The following GLB1 variants were observed in gnomAD, a reference collection of about 807,000 sequenced individuals.
The protein encoded by GLB1 is beta-galactosidase.
A neutral mutation model predicts 74.0 loss-of-function variants in GLB1; 56 were observed. The ratio of observed to expected loss-of-function variants is 0.76; its 90% CI spans 0.61 to 0.94. GLB1 has a LOEUF of 0.94. GLB1 is among the 40% of genes least tolerant of loss of function. The pLI, the probability that GLB1 is intolerant of heterozygous loss-of-function variation, is 0.00. For synonymous variants in GLB1, 323 were observed against 323.6 expected, an observed-to-expected ratio of 1.00 and a Z score of 0.02; for missense variants, 787 against 845.5, an observed-to-expected ratio of 0.93 and a Z score of 0.86.
At chr3:33,020,357 A>G (rs1176958091) in intron 12 of GLB1, among the ~76,000 whole-genome samples, 1 of 152,194 alleles carries the variant, frequency 6.6e-6, no homozygotes, top group Non-Finnish European at 1.5e-5. Flanking sequence ...GCCACAGAAA[A>G]TCAGAAAGGA....
Position 33,065,569 on chromosome 3 carries a change from G to GA in GLB1, c.458-13dup. Reference sequence around the variant, plus strand: ...AGCTGCCAGGTAATCTGGAAAACAAGAAAAGTTTAACACAAGCTTGTCCAA... The same window carrying GA: ...AGCTGCCAGGTAATCTGGAAAACAAGAAAAAGTTTAACACAAGCTTGTCCAA... On this transcript the variant is annotated splice_polypyrimidine_tract_variant and intron_variant, in intron 4 of 15. Coordinates refer to ENST00000307363, the MANE Select transcript of GLB1 (RefSeq NM_000404.4). 6.4e-7 allele frequency: 1 copy of GA among 1,562,212 alleles called. No individual in the cohort carries two copies.
intron 15 of GLB1, among the ~76,000 whole-genome samples, chr3:32,997,944 G>A (rs946151339): frequency 6.6e-6 from 1 of 152,220 alleles, no homozygotes; most frequent in Non-Finnish European, 1.5e-5. Flanking sequence ...AGAGGGATAG[G>A]GGGGTTTGGG....
chr3:33,050,807 GT>G (rs1698944957), intron 9 of GLB1, among the ~76,000 whole-genome samples: 3 of 152,164 alleles, frequency 2.0e-5, no homozygotes, highest in Admixed American at 1.3e-4. Context: ...AAAACAAAAC[GT>G]TAAAAGAAAG....
At chr3:33,011,514 G>A (rs1315005557) in intron 15 of GLB1, among the ~76,000 whole-genome samples, 1 of 150,268 alleles carries the variant, frequency 6.7e-6, no homozygotes, top group Non-Finnish European at 1.5e-5. Context: ...GAGTGGTGGT[G>A]TGTGCCTGTA....
chr3:33,047,668 A>G (rs993577302), intron 9 of GLB1, among the ~76,000 whole-genome samples: 4 of 152,242 alleles, frequency 2.6e-5, no homozygotes, highest in African/African-American at 9.6e-5. Flanking sequence ...AATTCCTTGG[A>G]TGCAGCTCAC....
At chr3:32,961,185 G>T in the GLB1 span, among the ~76,000 whole-genome samples, 1 of 152,178 alleles carries the variant, frequency 6.6e-6, no homozygotes, top group African/African-American at 2.4e-5. Flanking sequence ...CCTTTTCTGA[G>T]AAATTGTGAA....
chr3:33,073,376 C>T (rs1320548280), intron 1 of GLB1, among the ~76,000 whole-genome samples: 1 of 152,100 alleles, frequency 6.6e-6, no homozygotes, highest in Non-Finnish European at 1.5e-5. Flanking sequence ...TTTTTGGTGG[C>T]AATAAGCATC....
chr3:33,028,933 G>A lies in GLB1; in HGVS notation c.1069-4608C>T, dbSNP rs562951183. ...CCGCCCGCCTCGGCCTAAGTGCTGG[G>A]ATTACAGGCGTGAGCCACTGCGCCT... On this transcript the variant is annotated intron_variant, in intron 10 of 15. Transcript: ENST00000307363. Among the ~76,000 whole-genome samples the A allele has an allele frequency of 2.0e-5, 3 of 152,232 alleles. No homozygotes were observed. The East Asian group carries it at 5.8e-4, about 29-fold the overall frequency.
chr3:33,031,733 G>C (rs1456797942), intron 10 of GLB1, among the ~76,000 whole-genome samples: 1 of 139,228 alleles, frequency 7.2e-6, no homozygotes, highest in Non-Finnish European at 1.5e-5. Flanking sequence ...CAAAAAAAGA[G>C]GGAAAATATG....
At chr3:33,074,319 GAGAA>G (rs1204274850) in intron 1 of GLB1, among the ~76,000 whole-genome samples, 1 of 101,546 alleles carries the variant, frequency 9.8e-6, no homozygotes, top group African/African-American at 3.6e-5. Context: ...AAGAAAGAAC[GAGAA>G]AGAAGGAAGG....
intron 15 of GLB1, among the ~76,000 whole-genome samples, chr3:33,008,543 T>G (rs763678676): frequency 1.3e-5 from 2 of 150,824 alleles, no homozygotes; most frequent in Non-Finnish European, 3.0e-5. Context: ...GGGTGGAGAG[T>G]CAGGTGGCTT....
rs775179799 is a variant in GLB1, at chr3:33,024,283, T to G, written c.1111A>C (p.Lys371Gln). The stretch of plus-strand genomic sequence containing the variant: ...AAAGTGACCTTTCCATATGCAAACT[T>G]TGGTGTAGATGGAGGGATAGGACCT... The part of the protein sequence containing the change: ...PEGPIPPSTP[K>Q]FAYGKVTLEK... Residue 371 changes from lysine (K) to glutamine (Q), a missense_variant, in exon 11 of 16, where the codon AAG (lysine) becomes CAG (glutamine). Lys to Gln is a moderately conservative substitution (Grantham distance 53). Transcript: ENST00000307363. 6.2e-7 allele frequency: 1 copy of G among 1,613,382 alleles called. No individual in the cohort carries two copies. The highest frequency in any genetic ancestry group is 1.1e-5 in the South Asian group (1 of 91,004).
At chr3:33,092,246 A>G in intron 1 of GLB1, 2 of 985,758 alleles carry the variant, frequency 2.0e-6, no homozygotes, top group Non-Finnish European at 2.4e-6. Flanking sequence ...TTTGCATTCC[A>G]GTAGATTTTG....
intron 10 of GLB1, among the ~76,000 whole-genome samples, chr3:33,043,802 G>GATACC (rs1553609477): frequency 3.0e-5 from 4 of 134,856 alleles, no homozygotes; most frequent in East Asian, 2.2e-4. Context: ...CCAAGCAAAA[G>GATACC]TATGCAGGTA....
intron 10 of GLB1, among the ~76,000 whole-genome samples, chr3:33,028,692 T>A (rs954063253): frequency 6.7e-6 from 1 of 149,792 alleles, no homozygotes; most frequent in Non-Finnish European, 1.5e-5. Flanking sequence ...TGATACGGAG[T>A]TTCGCTCTTG....
chr3:33,052,356 G>A (rs1278666729), intron 7 of GLB1, among the ~76,000 whole-genome samples: 4 of 152,172 alleles, frequency 2.6e-5, no homozygotes, highest in Non-Finnish European at 4.4e-5. Flanking sequence ...GCTCCAGGCC[G>A]GGCGCAGTGG....
Position 33,022,564 on chromosome 3 carries a change from A to ATTTTTTTTTTTTTTTTTTTTTTTTTTTTT in GLB1, c.1144-910_1144-909insAAAAAAAAAAAAAAAAAAAAAAAAAAAAA, listed in dbSNP as rs61013692. Among the ~76,000 whole-genome samples, 14 of 63,766 alleles carry ATTTTTTTTTTTTTTTTTTTTTTTTTTTTT rather than the reference A, an allele frequency of 2.2e-4. 6 individuals are homozygous for ATTTTTTTTTTTTTTTTTTTTTTTTTTTTT. The highest frequency in any genetic ancestry group is 5.8e-4 in the East Asian group (1 of 1,720). 41.8% of individuals were successfully genotyped at this position (63,766 alleles called of 152,430 possible). On this transcript the variant is annotated intron_variant, in intron 11 of 15. Coordinates refer to ENST00000307363, the MANE Select transcript of GLB1 (RefSeq NM_000404.4). Reference sequence around the variant, plus strand: ...TTCCATGACTATAATACTGGTTAGGATTTTTTTTTTTTTTTTTTTGAGAGA... The same window carrying ATTTTTTTTTTTTTTTTTTTTTTTTTTTTT: ...TTCCATGACTATAATACTGGTTAGGATTTTTTTTTTTTTTTTTTTTTTTTTTTTTTTTTTTTTTTTTTTTTTTTGAGAGA...
intron 2 of GLB1, among the ~76,000 whole-genome samples, chr3:33,069,434 G>C (rs1260287601): frequency 6.6e-6 from 1 of 152,158 alleles, no homozygotes; most frequent in East Asian, 1.9e-4. Flanking sequence ...TTGGATATAA[G>C]GCAAAAGGGT....
intron 15 of GLB1, among the ~76,000 whole-genome samples, chr3:33,009,867 T>C (rs1378073895): frequency 1.3e-5 from 2 of 152,366 alleles, no homozygotes; most frequent in East Asian, 1.9e-4. Flanking sequence ...ATACAATACA[T>C]AGCCTTTTAG....
Sources: allele counts gnomAD v4.1 joint callset (sites outside exome capture counted in the v4.1 genomes callset), GRCh38; gene constraint gnomAD v4.1.1; transcripts MANE v1.5; gene names NCBI Gene and HGNC (gene_info 2026-07-23, HGNC 2026-07-21).